The following CTDSPL variants were observed in gnomAD, a reference collection of about 807,000 sequenced individuals.
The protein encoded by CTDSPL is CTD small phosphatase like.
In CTDSPL, 8 loss-of-function variants were observed where a neutral mutation model predicts 30.5. The ratio of observed to expected loss-of-function variants is 0.26; its 90% CI spans 0.15 to 0.47. The LOEUF (loss-of-function observed/expected upper bound fraction) is 0.47, where lower values mean the gene tolerates loss of function less well. Among genes scored for constraint, CTDSPL ranks in the 20% least tolerant of loss-of-function variants. The pLI is 0.99. For missense variants in CTDSPL, 248 were observed against 366.1 expected, an observed-to-expected ratio of 0.68 and a Z score of 2.63; for synonymous variants, 110 against 137.9, an observed-to-expected ratio of 0.80 and a Z score of 1.42.
At chr3:37,958,143 G>A (rs969534775) in intron 3 of CTDSPL, among the ~76,000 whole-genome samples, 2 of 152,182 alleles carry the variant, frequency 1.3e-5, no homozygotes, top group African/African-American at 2.4e-5. Flanking sequence ...TGGATTTCAC[G>A]TGTGCAGGTT....
intron 1 of CTDSPL, among the ~76,000 whole-genome samples, chr3:37,877,105 C>CA (rs35298466): frequency 0.1 from 8,459 of 84,350 alleles, 297 homozygotes; most frequent in Middle Eastern, 0.14. Context: ...GACTCTGTCT[C>CA]AAAAAAAAAA....
At chr3:37,905,662 TG>T (rs1417633934) in intron 1 of CTDSPL, among the ~76,000 whole-genome samples, 4 of 152,222 alleles carry the variant, frequency 2.6e-5, no homozygotes, top group Non-Finnish European at 4.4e-5. Context: ...TACTTGTGTT[TG>T]CATACCTATA....
rs146917372 is a variant in CTDSPL, at chr3:37,959,235, G to A, written c.267+2092G>A. Among the ~76,000 whole-genome samples, 176 of 152,222 alleles carry A rather than the reference G, an allele frequency of 1.2e-3. 3 individuals are homozygous for A. The East Asian group carries it at 0.028, about 25-fold the overall frequency. The stretch of plus-strand genomic sequence containing the variant: ...TCACCTCACCCCTCTTTTTTCATTC[G>A]CATGTTGCTCTGTTTGTATGTGTAG... On this transcript the variant is annotated intron_variant, in intron 3 of 7. Transcript: ENST00000273179.
chr3:37,922,776 G>A (rs1174221622), intron 1 of CTDSPL, among the ~76,000 whole-genome samples: 1 of 152,182 alleles, frequency 6.6e-6, no homozygotes, highest in Non-Finnish European at 1.5e-5. Flanking sequence ...GGAAGCTTGG[G>A]AACACAGCTG....
intron 1 of CTDSPL, among the ~76,000 whole-genome samples, chr3:37,906,668 T>G (rs1348905809): frequency 6.6e-6 from 1 of 152,174 alleles, no homozygotes; most frequent in African/African-American, 2.4e-5. Flanking sequence ...GAGCCACTGA[T>G]GCCCTGGTAG....
In CTDSPL at chr3:37,981,119, G is replaced by GA. The variant is rs1432254450; in HGVS notation, c.*259dup. On this transcript the variant is annotated 3_prime_UTR_variant, in exon 8 of 8. Coordinates refer to ENST00000273179, the MANE Select transcript of CTDSPL (RefSeq NM_001008392.2). ...GCTTTTCTTAAAACATACCAAAAAA[G>GA]AAAAAAATAGAAAAAAAAAAAAAAA... The GA allele has an allele frequency of 1.9e-5, 2 of 102,640 alleles. No homozygotes were observed. Among genetic ancestry groups the GA allele is most frequent in the South Asian group, 6.5e-4 (2 of 3,074 alleles). 6.4% of individuals were successfully genotyped at this position (102,640 alleles called of 1,614,324 possible).
At chr3:37,926,017 T>G (rs745484085) in intron 1 of CTDSPL, among the ~76,000 whole-genome samples, 2 of 152,226 alleles carry the variant, frequency 1.3e-5, no homozygotes, top group Admixed American at 6.5e-5. Flanking sequence ...TGTTCACTTA[T>G]CTATTCCACA....
intron 1 of CTDSPL, among the ~76,000 whole-genome samples, chr3:37,934,516 TC>T (rs1254860601): frequency 6.6e-6 from 1 of 152,206 alleles, no homozygotes; most frequent in Non-Finnish European, 1.5e-5. Flanking sequence ...AGCCCCGTGA[TC>T]CAGAAATAGC....
chr3:37,897,223 C>T (rs1698399213), intron 1 of CTDSPL, among the ~76,000 whole-genome samples: 1 of 152,230 alleles, frequency 6.6e-6, no homozygotes, highest in South Asian at 2.1e-4. Context: ...TTGTTTTTCA[C>T]AGCTGTAACA....
chr3:37,954,813 A>G (rs926435021), intron 2 of CTDSPL: 3 of 152,312 alleles, frequency 2.0e-5, no homozygotes, highest in Non-Finnish European at 4.4e-5. Context: ...GGCAAAGACC[A>G]TGGAGGACCT....
At chr3:37,917,483 A>G (rs1010707661) in intron 1 of CTDSPL, among the ~76,000 whole-genome samples, 2 of 152,246 alleles carry the variant, frequency 1.3e-5, no homozygotes, top group African/African-American at 2.4e-5. Context: ...TTGTCTGCTG[A>G]TAAATTGTCC....
chr3:37,957,479 A>G (rs935515651), intron 3 of CTDSPL, among the ~76,000 whole-genome samples: 1 of 151,874 alleles, frequency 6.6e-6, no homozygotes, highest in African/African-American at 2.4e-5. Flanking sequence ...CTTAGCCTCA[A>G]CTCCATAGAT....
intron 1 of CTDSPL, among the ~76,000 whole-genome samples, chr3:37,927,636 ATGTGTGTGTGTGTGTGTGTG>A (rs71094932): frequency 4.3e-5 from 5 of 115,784 alleles, no homozygotes; most frequent in African/African-American, 7.5e-5. Context: ...AGAAAAATAT[ATGTGTGTGTGTGTGTGTGTG>A]TGTGTGTGTG....
intron 1 of CTDSPL, among the ~76,000 whole-genome samples, chr3:37,887,596 C>T (rs1350544134): frequency 6.6e-6 from 1 of 152,130 alleles, no homozygotes; most frequent in Non-Finnish European, 1.5e-5. Context: ...TCCTAGCTCC[C>T]AGGATGGTTA....
intron 7 of CTDSPL, among the ~76,000 whole-genome samples, chr3:37,976,951 C>T (rs1396752157): frequency 6.6e-6 from 1 of 152,140 alleles, no homozygotes; most frequent in African/African-American, 2.4e-5. Context: ...GATGCTTCCT[C>T]TCAAGCACAG....
Position 37,983,287 on chromosome 3 carries a change from C to A in CTDSPL, c.*2420C>A, listed in dbSNP as rs1699513785. The A allele has an allele frequency of 7.8e-6, 1 of 127,668 alleles. No individual in the cohort carries two copies. The highest frequency in any genetic ancestry group is 7.2e-5 in the Admixed American group (1 of 13,818). 7.9% of individuals were successfully genotyped at this position (127,668 alleles called of 1,614,324 possible). A position where few individuals can be genotyped will look rare whatever the true frequency, so the allele number is the denominator to read the frequency against. ...TGCTTTATGTACATAATCAAAATAT[C>A]TATATCTATATCTATATCTATATCT... is the stretch of plus-strand genomic sequence containing the variant. On this transcript the variant is annotated 3_prime_UTR_variant, in exon 8 of 8. Transcript: ENST00000273179.
intron 1 of CTDSPL, among the ~76,000 whole-genome samples, chr3:37,913,194 C>T (rs1279782550): frequency 6.6e-6 from 1 of 152,078 alleles, no homozygotes; most frequent in Non-Finnish European, 1.5e-5. Flanking sequence ...GTGGCATGTA[C>T]CTGTAGTCCT....
intron 1 of CTDSPL, among the ~76,000 whole-genome samples, chr3:37,883,649 G>A (rs1033071598): frequency 6.6e-6 from 1 of 152,224 alleles, no homozygotes; most frequent in East Asian, 1.9e-4. Context: ...GGCAGAATTT[G>A]TGAACAGGTG....
intron 1 of CTDSPL, among the ~76,000 whole-genome samples, chr3:37,916,214 C>A (rs1025216253): frequency 6.6e-6 from 1 of 152,150 alleles, no homozygotes; most frequent in Admixed American, 6.5e-5. Context: ...AATCTTGGCC[C>A]CATTATTCCT....
Sources: gnomAD v4.1 joint callset for allele counts (sites outside exome capture counted in the v4.1 genomes callset) on GRCh38, gnomAD v4.1.1 for gene constraint, MANE v1.5 for transcripts, NCBI Gene and HGNC (gene_info 2026-07-23, HGNC 2026-07-21) for gene names.